The following KIAA0825 variants were observed in gnomAD, a reference collection of about 807,000 sequenced individuals.
KIAA0825 encodes KIAA0825.
KIAA0825 carries 119 observed loss-of-function variants against 147.6 expected under a neutral mutation model. That is an observed-to-expected ratio of 0.81 (90% confidence interval 0.69 to 0.94). The LOEUF (loss-of-function observed/expected upper bound fraction) is 0.94, where lower values mean the gene tolerates loss of function less well. KIAA0825 is among the 40% of genes least tolerant of loss of function. The probability of loss-of-function intolerance (pLI) is 0.00; values close to 1 mark genes in which losing one functional copy is unlikely to be tolerated. For missense variants in KIAA0825, 1,381 were observed against 1,472.7 expected (o/e 0.94, Z 1.02); for synonymous variants, 470 against 518.1 (o/e 0.91, Z 1.26).
At chr5:94,382,163 T>G (rs1359818197) in intron 20 of KIAA0825, among the ~76,000 whole-genome samples, 1 of 152,216 alleles carries the variant, frequency 6.6e-6, no homozygotes, top group Non-Finnish European at 1.5e-5. Flanking sequence ...TCAGCTGAAC[T>G]GCTCTGAATT....
At position 94,467,600 on chromosome 5, in the gene KIAA0825, T is replaced by G. The variant is rs770870013; in HGVS notation, c.1872+2361A>C. On this transcript the variant is annotated intron_variant, in intron 10 of 20. Coordinates refer to ENST00000682413, the MANE Select transcript of KIAA0825 (RefSeq NM_001145678.3). ...CATCAGAGAGATACAGAACTCTGAC[T>G]CTCTCAAGCTGACAGTTTAGAAAAT... 2.0e-5 allele frequency among the ~76,000 whole-genome samples: 3 copies of G among 152,326 alleles called. No individual in the cohort carries two copies. In the South Asian group the frequency reaches 6.2e-4, roughly 32 times the overall value.
At chr5:94,209,949 T>G (rs1236946839) in intron 20 of KIAA0825, among the ~76,000 whole-genome samples, 1 of 152,204 alleles carries the variant, frequency 6.6e-6, no homozygotes, top group Non-Finnish European at 1.5e-5. Flanking sequence ...TCTTTGCCCA[T>G]CACAGTCTTC....
At chr5:94,155,296 C>T (rs976873713) in intron 20 of KIAA0825, among the ~76,000 whole-genome samples, 16 of 148,752 alleles carry the variant, frequency 1.1e-4, no homozygotes, top group African/African-American at 3.7e-4. Context: ...TGGCTCACTG[C>T]GGGCTTGACC....
chr5:94,286,382 A>G (rs1234045359), intron 20 of KIAA0825, among the ~76,000 whole-genome samples: 3 of 152,072 alleles, frequency 2.0e-5, no homozygotes, highest in South Asian at 4.1e-4. Flanking sequence ...CACACTTATA[A>G]TGATCAAATA....
intron 20 of KIAA0825, among the ~76,000 whole-genome samples, chr5:94,291,479 T>C (rs549897245): frequency 3.3e-5 from 5 of 152,312 alleles, no homozygotes; most frequent in African/African-American, 1.2e-4. Context: ...TATATCTCTG[T>C]TTTGGAACCA....
chr5:94,481,703 A>G (rs1006042637), intron 6 of KIAA0825, among the ~76,000 whole-genome samples: 6 of 151,948 alleles, frequency 3.9e-5, no homozygotes, highest in African/African-American at 1.4e-4. Context: ...TCCCTTAACC[A>G]TCTAGCTAAG....
intron 5 of KIAA0825, among the ~76,000 whole-genome samples, chr5:94,493,252 C>A (rs1403722320): frequency 6.6e-6 from 1 of 152,186 alleles, no homozygotes; most frequent in East Asian, 1.9e-4. Flanking sequence ...TCACTCTTCC[C>A]ATTTCATAAA....
chr5:94,384,318 C>G (rs1226172234), intron 20 of KIAA0825, 50 bp downstream of exon 20: 2 of 1,375,346 alleles, frequency 1.5e-6, no homozygotes, highest in Non-Finnish European at 2.0e-6. Flanking sequence ...CACACGCACA[C>G]ACACAACCTT....
intron 10 of KIAA0825, among the ~76,000 whole-genome samples, chr5:94,466,505 G>A (rs1029787608): frequency 6.6e-6 from 1 of 151,942 alleles, no homozygotes; most frequent in African/African-American, 2.4e-5. Flanking sequence ...GGATCACGAC[G>A]TCAGGAGATC....
At chr5:94,283,986 G>A (rs572458523) in intron 20 of KIAA0825, among the ~76,000 whole-genome samples, 1 of 152,258 alleles carries the variant, frequency 6.6e-6, no homozygotes, top group East Asian at 1.9e-4. Flanking sequence ...GCGAAGAAGT[G>A]ATCATTTGTC....
chr5:94,501,019 G>A (rs1465222482), intron 5 of KIAA0825, among the ~76,000 whole-genome samples: 1 of 151,972 alleles, frequency 6.6e-6, no homozygotes, highest in African/African-American at 2.4e-5. Context: ...GCCTCCGAAA[G>A]TGCTGGGATT....
At chr5:94,380,646 G>A (rs962287974) in intron 20 of KIAA0825, among the ~76,000 whole-genome samples, 8 of 152,214 alleles carry the variant, frequency 5.3e-5, no homozygotes, top group Admixed American at 1.3e-4. Flanking sequence ...CTTTAGATGG[G>A]TGAAATAGAA....
At chr5:94,222,298 G>A (rs1236823866) in intron 20 of KIAA0825, among the ~76,000 whole-genome samples, 2 of 152,060 alleles carry the variant, frequency 1.3e-5, no homozygotes, top group African/African-American at 2.4e-5. Context: ...TTTTAATTGC[G>A]ATTCACTGGA....
chr5:94,446,464 T>A (rs1189912878), intron 13 of KIAA0825, among the ~76,000 whole-genome samples: 1 of 152,136 alleles, frequency 6.6e-6, no homozygotes, highest in African/African-American at 2.4e-5. Context: ...CCTGCAGAAG[T>A]CACATTTGAG....
chr5:94,602,772 G>C (rs1360436234), intron 1 of KIAA0825, among the ~76,000 whole-genome samples: 3 of 151,786 alleles, frequency 2.0e-5, no homozygotes, highest in African/African-American at 7.3e-5. Flanking sequence ...TAAGTTTCCT[G>C]AGGAACTGTG....
At chr5:94,572,642 T>C (rs915882853) in intron 2 of KIAA0825, among the ~76,000 whole-genome samples, 4 of 152,204 alleles carry the variant, frequency 2.6e-5, no homozygotes, top group Non-Finnish European at 5.9e-5. Context: ...GAATATTATA[T>C]TATTTCATTT....
At chr5:94,610,830 T>G (rs1048554392) in intron 1 of KIAA0825, among the ~76,000 whole-genome samples, 4 of 108,736 alleles carry the variant, frequency 3.7e-5, no homozygotes, top group Non-Finnish European at 7.6e-5. Flanking sequence ...AAAAAAAAAG[T>G]CATGACACAG....
At chr5:94,463,000 C>G (rs1223885856) in intron 11 of KIAA0825, among the ~76,000 whole-genome samples, 1 of 151,526 alleles carries the variant, frequency 6.6e-6, no homozygotes, top group Non-Finnish European at 1.5e-5. Flanking sequence ...TGTAAGCTGT[C>G]AAAAAAAGTT....
At chr5:94,375,189 G>A (rs1747365570) in intron 20 of KIAA0825, among the ~76,000 whole-genome samples, 1 of 151,788 alleles carries the variant, frequency 6.6e-6, no homozygotes, top group African/African-American at 2.4e-5. Flanking sequence ...ATGCCACTAT[G>A]CCTGGCTAAT....
Sources: allele counts gnomAD v4.1 joint callset (sites outside exome capture counted in the v4.1 genomes callset), GRCh38; gene constraint gnomAD v4.1.1; transcripts MANE v1.5; gene names NCBI Gene and HGNC (gene_info 2026-07-23, HGNC 2026-07-21).